Variants in CALN1 observed in about 807,000 individuals in gnomAD.
The protein encoded by CALN1 is calcium-binding protein 8.
In CALN1, 17 loss-of-function variants were observed where a neutral mutation model predicts 30.6. The observed-to-expected ratio is 0.56, with a 90% CI of 0.38 to 0.83. The LOEUF (loss-of-function observed/expected upper bound fraction) is 0.83, where lower values mean the gene tolerates loss of function less well. CALN1 is among the 40% of genes least tolerant of loss of function. The probability of loss-of-function intolerance (pLI) is 0.00; values close to 1 mark genes in which losing one functional copy is unlikely to be tolerated. For missense variants in CALN1, 291 were observed against 354.9 expected (o/e 0.82, Z 1.45); for synonymous variants, 156 against 131.4 (o/e 1.19, Z -1.28).
At chr7:72,235,633 G>A (rs953235070) in intron 3 of CALN1, among the ~76,000 whole-genome samples, 2 of 152,040 alleles carry the variant, frequency 1.3e-5, no homozygotes, top group Non-Finnish European at 2.9e-5. Flanking sequence ...CGGGGACCTG[G>A]CACATTTCTA....
At chr7:72,318,281 G>T (rs1438921862) in intron 2 of CALN1, among the ~76,000 whole-genome samples, 4 of 151,692 alleles carry the variant, frequency 2.6e-5, no homozygotes, top group African/African-American at 9.7e-5. Context: ...GAATTCAAGG[G>T]ACTGAAAGAA....
At chr7:71,883,849 C>A (rs892149110) in intron 5 of CALN1, among the ~76,000 whole-genome samples, 2 of 152,190 alleles carry the variant, frequency 1.3e-5, no homozygotes, top group Non-Finnish European at 2.9e-5. Context: ...AAGACACATA[C>A]ATGGCTTCTA....
intron 5 of CALN1, among the ~76,000 whole-genome samples, chr7:71,861,490 T>A (rs776784879): frequency 9.2e-5 from 14 of 152,026 alleles, no homozygotes; most frequent in Non-Finnish European, 1.8e-4. Context: ...AAGAGTAATG[T>A]CCAGGCAAGA....
At chr7:72,352,856 G>A (rs1314485950) in intron 2 of CALN1, among the ~76,000 whole-genome samples, 1 of 152,000 alleles carries the variant, frequency 6.6e-6, no homozygotes. Flanking sequence ...TAAACCTGTA[G>A]CTAACTAGAT....
At chr7:72,324,033 T>C (rs1801090450) in intron 2 of CALN1, among the ~76,000 whole-genome samples, 1 of 150,592 alleles carries the variant, frequency 6.6e-6, no homozygotes, top group South Asian at 2.1e-4. Context: ...GGGTTTTTTG[T>C]TTTGTTTTGT....
intron 5 of CALN1, among the ~76,000 whole-genome samples, chr7:71,857,024 G>A (rs11769732): frequency 1.4e-3 from 125 of 91,728 alleles, no homozygotes; most frequent in African/African-American, 4.9e-3. Flanking sequence ...GTATGTGTGT[G>A]TGTGTGTGTG....
At chr7:72,153,538 G>A (rs1787421434) in intron 3 of CALN1, among the ~76,000 whole-genome samples, 1 of 148,966 alleles carries the variant, frequency 6.7e-6, no homozygotes, top group Non-Finnish European at 1.5e-5. Flanking sequence ...AAAAAAAATA[G>A]CCAAGGATGG....
intron 4 of CALN1, chr7:72,104,273 C>T (rs1032051746): frequency 3.3e-5 from 5 of 152,262 alleles, no homozygotes; most frequent in Admixed American, 1.3e-4. Flanking sequence ...TACCCATTGA[C>T]CAGTCTCTCA....
At chr7:72,049,638 G>C (rs1802703056) in intron 4 of CALN1, among the ~76,000 whole-genome samples, 2 of 152,004 alleles carry the variant, frequency 1.3e-5, no homozygotes, top group South Asian at 4.2e-4. Context: ...CTCCTGAGTA[G>C]CTGGGATTAC....
At chr7:72,094,748 A>C (rs536738358) in intron 4 of CALN1, among the ~76,000 whole-genome samples, 9 of 152,302 alleles carry the variant, frequency 5.9e-5, no homozygotes, top group African/African-American at 2.2e-4. Flanking sequence ...ATGATCATCC[A>C]CTACCATTCC....
At position 72,136,588 on chromosome 7, in the gene CALN1, T is replaced by C. The variant is rs1809529927; in HGVS notation, c.245-30294A>G. Among the ~76,000 whole-genome samples, 3 of 152,272 alleles carry C rather than the reference T, an allele frequency of 2.0e-5. No homozygotes were observed. In the South Asian group the frequency reaches 6.2e-4, roughly 32 times the overall value. Reference sequence around the variant, plus strand: ...TAATTTCCTTCAAGTACTTTTCCTTTGCATTCGCAACTTGGCTAACTCTTT... The same window carrying C: ...TAATTTCCTTCAAGTACTTTTCCTTCGCATTCGCAACTTGGCTAACTCTTT... On this transcript the variant is annotated intron_variant, in intron 3 of 6. Coordinates refer to ENST00000395275, the MANE Select transcript of CALN1 (RefSeq NM_031468.4).
At chr7:72,318,427 A>C (rs992133153) in intron 2 of CALN1, among the ~76,000 whole-genome samples, 1 of 152,226 alleles carries the variant, frequency 6.6e-6, no homozygotes, top group Non-Finnish European at 1.5e-5. Flanking sequence ...CTTGCAGAAG[A>C]ACCACCTTGC....
At chr7:72,334,469 G>A (rs1801876557) in intron 2 of CALN1, among the ~76,000 whole-genome samples, 1 of 152,282 alleles carries the variant, frequency 6.6e-6, no homozygotes, top group South Asian at 2.1e-4. Context: ...ACCCACTGGA[G>A]AGATAAATGT....
intron 3 of CALN1, among the ~76,000 whole-genome samples, chr7:72,251,262 T>A (rs1367731714): frequency 7.2e-5 from 11 of 152,178 alleles, no homozygotes; most frequent in Admixed American, 2.6e-4. Flanking sequence ...AACTTCCACA[T>A]CACAGGATTT....
chr7:72,137,797 A>G (rs746342047), intron 3 of CALN1, among the ~76,000 whole-genome samples: 6 of 152,236 alleles, frequency 3.9e-5, no homozygotes, highest in Non-Finnish European at 7.3e-5. Context: ...CATATTCAAC[A>G]GTGGAGGACA....
intron 5 of CALN1, among the ~76,000 whole-genome samples, chr7:71,924,180 T>C (rs1584522020): frequency 8.3e-6 from 1 of 119,988 alleles, no homozygotes; most frequent in South Asian, 2.6e-4. Flanking sequence ...GCGACAAGAG[T>C]GAAACTCAGT....
At chr7:72,221,774 C>G (rs1793320934) in intron 3 of CALN1, among the ~76,000 whole-genome samples, 1 of 151,532 alleles carries the variant, frequency 6.6e-6, no homozygotes, top group East Asian at 2.0e-4. Context: ...CCTGTAATCC[C>G]AGCAACTCAG....
At chr7:72,406,602 G>T (rs953704820) in intron 1 of CALN1, among the ~76,000 whole-genome samples, 1 of 147,640 alleles carries the variant, frequency 6.8e-6, no homozygotes, top group Non-Finnish European at 1.5e-5. Context: ...ACCCACATGA[G>T]GGTCCTTGTC....
At chr7:72,212,982 G>T (rs556296362) in intron 3 of CALN1, among the ~76,000 whole-genome samples, 1 of 152,116 alleles carries the variant, frequency 6.6e-6, no homozygotes, top group South Asian at 2.1e-4. Context: ...AAACAGAAAC[G>T]CTCAAGAAAG....
Sources: allele counts gnomAD v4.1 joint callset (sites outside exome capture counted in the v4.1 genomes callset), GRCh38; gene constraint gnomAD v4.1.1; transcripts MANE v1.5; gene names NCBI Gene and HGNC (gene_info 2026-07-23, HGNC 2026-07-21).